The following AP3D1 variants were observed in gnomAD, a reference collection of about 807,000 sequenced individuals.
The protein encoded by AP3D1 is adaptor related protein complex 3 subunit delta 1.
In AP3D1, 51 loss-of-function variants were observed where a neutral mutation model predicts 147.6. The ratio of observed to expected loss-of-function variants is 0.35; its 90% CI spans 0.28 to 0.44. The LOEUF (loss-of-function observed/expected upper bound fraction) is 0.44, where lower values mean the gene tolerates loss of function less well. AP3D1 is among the 20% of genes least tolerant of loss of function. AP3D1 has a pLI of 1.00. For synonymous variants in AP3D1, 760 were observed against 663.0 expected (o/e 1.15, Z -2.25); for missense variants, 1,421 against 1,624.2 (o/e 0.87, Z 2.15).
At position 2,130,496 on chromosome 19, in the gene AP3D1, C is replaced by T. The variant is rs1307181269; in HGVS notation, c.504G>A (p.Leu168=). ...ACTTCAGGAACACCTTGTACATGAT[C>T]AGCACAGCCTTCTTCCTGATGTAGG... ...TKPYIRKKAV[L]IMYKVFLKYP... The change falls in exon 6 of 32, where the codon CTG becomes CTA. Residue 168 remains leucine, a synonymous_variant. Transcript: ENST00000643116. The T allele has an allele frequency of 6.2e-7, 1 of 1,614,124 alleles. No homozygotes were observed. The highest frequency in any genetic ancestry group is 1.3e-5 in the African/African-American group (1 of 75,068).
At chr19:2,118,576 C>T in intron 15 of AP3D1, 25 bp downstream of exon 15, 1 of 1,591,428 alleles carries the variant, frequency 6.3e-7, no homozygotes, top group Non-Finnish European at 8.5e-7. Context: ...TGAGGCTCGG[C>T]CCAACACGGA....
At position 2,120,897 on chromosome 19, in the gene AP3D1, C is replaced by T; in HGVS notation, c.1446G>A (p.Leu482=). The T allele has an allele frequency of 1.2e-6, 2 of 1,610,964 alleles. No homozygotes were observed. Among genetic ancestry groups the T allele is most frequent in the Middle Eastern group, 1.7e-4 (1 of 6,060 alleles). Residue 482 remains leucine, a synonymous_variant, in exon 14 of 32, where the codon CTG becomes CTA. Coordinates refer to ENST00000643116, the MANE Select transcript of AP3D1 (RefSeq NM_001261826.3). ...CCCCGCAGATCCAGGCGGCAGCGTA[C>T]AGCACCTCACAGATCCCGTTCCGCT... ...STQRNGICEV[L]YAAAWICGEF... is the part of the protein sequence containing the mutation.
Position 2,120,788 on chromosome 19 carries a change from C to T in AP3D1, c.1481+74G>A, listed in dbSNP as rs2018586914. 10 of 1,447,892 alleles carry T rather than the reference C, an allele frequency of 6.9e-6. No individual in the cohort carries two copies. The South Asian group carries it at 1.1e-4, about 16-fold the overall frequency. 89.7% of individuals were successfully genotyped at this position (1,447,892 alleles called of 1,614,324 possible). ...GATGGGAGACGGTAGGAAGGATCTG[C>T]CAGGCACATCCCTGGTCCCTACCCC... On this transcript the variant is annotated intron_variant, in intron 14 of 31. Coordinates refer to ENST00000643116, the MANE Select transcript of AP3D1 (RefSeq NM_001261826.3).
intron 17 of AP3D1, 109 bp from the exon 18 acceptor site, chr19:2,116,387 C>T: frequency 1.5e-6 from 2 of 1,312,742 alleles, no homozygotes; most frequent in South Asian, 2.8e-5. Flanking sequence ...TGGCTATTTT[C>T]ACTACTGAGC....
chr19:2,119,957 A>C (rs913767681), intron 14 of AP3D1, among the ~76,000 whole-genome samples: 1 of 152,066 alleles, frequency 6.6e-6, no homozygotes, highest in African/African-American at 2.4e-5. Context: ...TCTCGGGGCG[A>C]GGGGAAAAAA....
Position 2,118,481 on chromosome 19 carries a change from A to C in AP3D1, c.1713+120T>G. ...CCCCAGCTGGCACAAGTGGCAACAA[A>C]AGAATCTCAGTGAGTGGCTTCGGAA... is the stretch of plus-strand genomic sequence containing the variant. On this transcript the variant is annotated intron_variant, in intron 15 of 31. Transcript: ENST00000643116. 11 of 1,005,906 alleles carry C rather than the reference A, an allele frequency of 1.1e-5. No individual in the cohort carries two copies. The South Asian group carries it at 1.8e-4, about 16-fold the overall frequency. The allele number at this position is 1,005,906 out of a possible 1,614,324, so 62.3% of individuals were successfully genotyped here.
At chr19:2,127,359 G>A (rs1009809892) in intron 8 of AP3D1, among the ~76,000 whole-genome samples, 158 bp from the exon 9 acceptor site, 10 of 152,176 alleles carry the variant, frequency 6.6e-5, no homozygotes, top group Non-Finnish European at 8.8e-5. Context: ...GGCCTGTGGT[G>A]CTCGGCTGGT....
chr19:2,154,270 T>A (rs1211731084), upstream of AP3D1, among the ~76,000 whole-genome samples: 1 of 147,336 alleles, frequency 6.8e-6, no homozygotes, highest in African/African-American at 2.4e-5. Flanking sequence ...ATTTATTTAT[T>A]TATGGTTTTT....
At chr19:2,140,257 G>T (rs891513995) in intron 1 of AP3D1, among the ~76,000 whole-genome samples, 5 of 152,182 alleles carry the variant, frequency 3.3e-5, no homozygotes, top group African/African-American at 1.2e-4. Context: ...GTGGAAAGCA[G>T]CCTGGGGTTC....
chr19:2,137,643 A>G (rs923917539), intron 3 of AP3D1, 84 bp downstream of exon 3: 24 of 1,144,894 alleles, frequency 2.1e-5, no homozygotes, highest in African/African-American at 4.6e-5. Context: ...CTCAAGAATA[A>G]TAATAATAAA....
chr19:2,109,245 G>T, intron 29 of AP3D1, 38 bp from the exon 30 acceptor site: 1 of 1,535,224 alleles, frequency 6.5e-7, no homozygotes, highest in Non-Finnish European at 8.7e-7. Context: ...CGGTGGGGCC[G>T]GGCTCCTCAG....
At chr19:2,126,547 G>A (rs1461023110) in intron 9 of AP3D1, among the ~76,000 whole-genome samples, 4 of 151,636 alleles carry the variant, frequency 2.6e-5, no homozygotes, top group Non-Finnish European at 4.4e-5. Context: ...CCTGCTACTC[G>A]GGAGGCTGAG....
intron 26 of AP3D1, 182 bp downstream of exon 26, chr19:2,111,103 C>CA (rs2018262352): frequency 2.2e-6 from 2 of 928,694 alleles, no homozygotes; most frequent in African/African-American, 3.3e-5. Context: ...GTCCAAGTCT[C>CA]AGGGCATGTC....
At chr19:2,123,290 T>C in intron 11 of AP3D1, 68 bp downstream of exon 11, 3 of 1,478,474 alleles carry the variant, frequency 2.0e-6, no homozygotes, top group Admixed American at 1.8e-5. Context: ...CTCCTCACAC[T>C]AGGAGGACCC....
rs953192948 is a variant in AP3D1 at position 2,157,396 on chromosome 19, T to C, written c.-103+6960A>G. ...GGCAGAGCTTGCAGTGAGCCGAGAT[T>C]GCGCCACTGCACTCCAGCCTGGGCG... On this transcript the variant is annotated intron_variant, in intron 1 of 14. Transcript: ENST00000643010. Among the ~76,000 whole-genome samples the C allele has an allele frequency of 6.5e-5, 9 of 139,486 alleles. 1 individual carries two copies. The highest frequency in any genetic ancestry group is 3.0e-4 in the Admixed American group (4 of 13,284). 91.5% of individuals were successfully genotyped at this position (139,486 alleles called of 152,430 possible).
In AP3D1 at chr19:2,123,897, G is replaced by T; in HGVS notation, c.857-18C>A. ...GATGAGCACTGCAACAGACAGCTTGGTCAGCACCACGGTCAGCACCATGGC... is the reference window on the plus strand; with the variant it reads ...GATGAGCACTGCAACAGACAGCTTGTTCAGCACCACGGTCAGCACCATGGC... On this transcript the variant is annotated intron_variant, in intron 9 of 31. Transcript: ENST00000643116. The T allele has an allele frequency of 2.6e-6, 4 of 1,567,784 alleles. No individual in the cohort carries two copies. Among genetic ancestry groups the T allele is most frequent in the Non-Finnish European group, 3.5e-6 (4 of 1,156,382 alleles).
chr19:2,149,156 C>T (rs2019439814), intron 1 of AP3D1, among the ~76,000 whole-genome samples: 1 of 152,170 alleles, frequency 6.6e-6, no homozygotes, highest in African/African-American at 2.4e-5. Flanking sequence ...GCCAGGGTCC[C>T]CAGACACTGC....
chr19:2,148,748 T>C (rs1045661080), intron 1 of AP3D1, among the ~76,000 whole-genome samples: 6 of 152,234 alleles, frequency 3.9e-5, no homozygotes, highest in African/African-American at 1.2e-4. Flanking sequence ...CCAAACCTCA[T>C]GCGATTTCTA....
In AP3D1 at chr19:2,117,075, C is replaced by T. The variant is rs142035027; in HGVS notation, c.1859+147G>A. 612 of 1,046,866 alleles carry T rather than the reference C, an allele frequency of 5.8e-4. 8 individuals carry two copies. In the East Asian group the frequency reaches 0.015, roughly 25 times the overall value. 64.8% of individuals were successfully genotyped at this position (1,046,866 alleles called of 1,614,324 possible). Reference sequence around the variant, plus strand: ...GAACCAGTGAGAGACCTGGTGAGTCCGTGTGAGGGATATACCCGCCTGAGG... The same window carrying T: ...GAACCAGTGAGAGACCTGGTGAGTCTGTGTGAGGGATATACCCGCCTGAGG... On this transcript the variant is annotated intron_variant, in intron 16 of 31. Coordinates refer to ENST00000643116, the MANE Select transcript of AP3D1 (RefSeq NM_001261826.3).
Sources: gnomAD v4.1 joint callset for allele counts (sites outside exome capture counted in the v4.1 genomes callset) on GRCh38, gnomAD v4.1.1 for gene constraint, MANE v1.5 for transcripts, NCBI Gene and HGNC (gene_info 2026-07-23, HGNC 2026-07-21) for gene names.